Variants in PID1 observed in about 807,000 individuals in gnomAD.
PID1 encodes the protein phosphotyrosine interaction domain containing 1.
A neutral mutation model predicts 19.1 loss-of-function variants in PID1; 10 were observed. The observed-to-expected ratio is 0.52, with a 90% CI of 0.32 to 0.89. The LOEUF (loss-of-function observed/expected upper bound fraction) is 0.89. PID1 is among the 40% of genes least tolerant of loss of function. The pLI, the probability that PID1 is intolerant of heterozygous loss-of-function variation, is 0.03. For missense variants in PID1, 248 were observed against 285.3 expected (o/e 0.87, Z 0.94); for synonymous variants, 130 against 116.0 (o/e 1.12, Z -0.78).
chr2:229,250,727 T>A (rs913550548), intron 1 of PID1, among the ~76,000 whole-genome samples: 2 of 152,226 alleles, frequency 1.3e-5, no homozygotes, highest in African/African-American at 2.4e-5. Flanking sequence ...GGTGTTAGTA[T>A]CCTTCTGGGT....
At chr2:229,092,056 C>CCACTGTACGGTGGTGGTACAAAG (rs1455782085) in intron 2 of PID1, among the ~76,000 whole-genome samples, 3 of 112,030 alleles carry the variant, frequency 2.7e-5, no homozygotes, top group African/African-American at 1.8e-4. Context: ...TAATGCCAAT[C>CCACTGTACGGTGGTGGTACAAAG]GTCCTGGCTT....
At chr2:229,105,621 G>A (rs1159886468) in intron 2 of PID1, among the ~76,000 whole-genome samples, 2 of 152,162 alleles carry the variant, frequency 1.3e-5, no homozygotes, top group Non-Finnish European at 2.9e-5. Context: ...ACAGTACCTA[G>A]CAGAATGCTT....
chr2:229,097,410 T>C (rs922095412), intron 2 of PID1, among the ~76,000 whole-genome samples: 2 of 152,348 alleles, frequency 1.3e-5, no homozygotes, highest in African/African-American at 4.8e-5. Context: ...ATTGCTAATA[T>C]AGCTGAATCG....
intron 1 of PID1, among the ~76,000 whole-genome samples, chr2:229,223,118 G>C (rs1286688176): frequency 1.3e-5 from 2 of 152,116 alleles, no homozygotes; most frequent in African/African-American, 2.4e-5. Flanking sequence ...AAAGTATGTA[G>C]AAATTTTATG....
intron 1 of PID1, among the ~76,000 whole-genome samples, chr2:229,197,181 T>C (rs1396169614): frequency 6.6e-6 from 1 of 152,036 alleles, no homozygotes; most frequent in African/African-American, 2.4e-5. Flanking sequence ...CCACTTTCCA[T>C]AACTGAGAAA....
chr2:229,231,130 T>C (rs1244375135), intron 1 of PID1, among the ~76,000 whole-genome samples: 1 of 151,972 alleles, frequency 6.6e-6, no homozygotes, highest in African/African-American at 2.4e-5. Context: ...GGCCAACACA[T>C]CTGTGCTTCA....
chr2:229,189,786 G>A (rs1691217463), intron 1 of PID1, among the ~76,000 whole-genome samples: 1 of 152,146 alleles, frequency 6.6e-6, no homozygotes, highest in Non-Finnish European at 1.5e-5. Flanking sequence ...GCAAGGGCGG[G>A]GCAGAGAGTT....
chr2:229,050,779 C>A (rs1693980059), intron 2 of PID1, among the ~76,000 whole-genome samples: 1 of 152,134 alleles, frequency 6.6e-6, no homozygotes, highest in African/African-American at 2.4e-5. Flanking sequence ...GTAAACAAGC[C>A]ATGATACCCT....
At chr2:229,044,248 G>A (rs186618015) in intron 2 of PID1, among the ~76,000 whole-genome samples, 1 of 152,156 alleles carries the variant, frequency 6.6e-6, no homozygotes, top group East Asian at 1.9e-4. Flanking sequence ...CCTGACGCAT[G>A]AGGATGCTGA....
intron 1 of PID1, among the ~76,000 whole-genome samples, chr2:229,170,544 T>C (rs1690690371): frequency 6.6e-6 from 1 of 152,218 alleles, no homozygotes; most frequent in Admixed American, 6.5e-5. Context: ...TATACAAAAG[T>C]GTTAACAGCA....
intron 2 of PID1, among the ~76,000 whole-genome samples, chr2:229,063,064 A>G (rs1460603165): frequency 6.6e-6 from 1 of 151,966 alleles, no homozygotes; most frequent in Non-Finnish European, 1.5e-5. Flanking sequence ...CTTTTCAAAG[A>G]ACCAAACTTG....
intron 2 of PID1, among the ~76,000 whole-genome samples, chr2:229,147,899 T>C (rs142888415): frequency 7.9e-4 from 120 of 152,290 alleles, no homozygotes; most frequent in African/African-American, 2.7e-3. Context: ...TCACAGTGTA[T>C]GGGGCACATG....
At chr2:229,191,001 A>G (rs1691249651) in intron 1 of PID1, among the ~76,000 whole-genome samples, 1 of 152,220 alleles carries the variant, frequency 6.6e-6, no homozygotes, top group Admixed American at 6.5e-5. Flanking sequence ...ATTGAGGAGT[A>G]TGTTACTAGG....
intron 2 of PID1, among the ~76,000 whole-genome samples, chr2:229,093,632 A>T (rs1694918364): frequency 6.6e-6 from 1 of 152,214 alleles, no homozygotes; most frequent in Non-Finnish European, 1.5e-5. Context: ...GGATTCAAAG[A>T]TGATTCAACA....
At chr2:229,107,045 C>T (rs997945612) in intron 2 of PID1, among the ~76,000 whole-genome samples, 1 of 152,098 alleles carries the variant, frequency 6.6e-6, no homozygotes, top group African/African-American at 2.4e-5. Context: ...ATTTGAGACA[C>T]ACAAACACAT....
intron 1 of PID1, among the ~76,000 whole-genome samples, chr2:229,156,987 T>C (rs889903168): frequency 2.6e-5 from 4 of 152,180 alleles, no homozygotes; most frequent in South Asian, 2.1e-4. Flanking sequence ...CCTCGCCTCC[T>C]TGAGGTCCCT....
At chr2:229,262,639 C>G in intron 1 of PID1, 3 of 1,545,024 alleles carry the variant, frequency 1.9e-6, no homozygotes, top group Non-Finnish European at 2.6e-6. Context: ...TAACAAATAA[C>G]CATAAACTGG....
intron 1 of PID1, among the ~76,000 whole-genome samples, chr2:229,219,832 A>AT (rs1486260219): frequency 1.4e-5 from 2 of 146,262 alleles, no homozygotes; most frequent in Non-Finnish European, 3.1e-5. Flanking sequence ...AGCCCCTTTT[A>AT]TTTTTATTTT....
chr2:229,233,277 GAAC>G (rs2106269139), intron 1 of PID1, among the ~76,000 whole-genome samples: 1 of 152,162 alleles, frequency 6.6e-6, no homozygotes, highest in Admixed American at 6.5e-5. Flanking sequence ...TGTGCAAAGA[GAAC>G]AACAGGATAG....
Sources: allele counts gnomAD v4.1 joint callset (sites outside exome capture counted in the v4.1 genomes callset), GRCh38; gene constraint gnomAD v4.1.1; transcripts MANE v1.5; gene names NCBI Gene and HGNC (gene_info 2026-07-23, HGNC 2026-07-21).